The following CWF19L2 variants were observed in gnomAD, a reference collection of about 807,000 sequenced individuals.
CWF19L2 encodes the protein CWF19-like protein 2.
CWF19L2 carries 98 observed loss-of-function variants against 111.7 expected under a neutral mutation model. The observed-to-expected ratio is 0.88, with a 90% CI of 0.75 to 1.04. The LOEUF (loss-of-function observed/expected upper bound fraction) is 1.04. Among genes scored for constraint, CWF19L2 ranks in the 50% least tolerant of loss-of-function variants. The probability of loss-of-function intolerance (pLI) is 0.00; values close to 1 mark genes in which losing one functional copy is unlikely to be tolerated. For synonymous variants in CWF19L2, 351 were observed against 342.9 expected (o/e 1.02, Z -0.26); for missense variants, 1,101 against 1,051.4 (o/e 1.05, Z -0.65).
intron 2 of CWF19L2, 122 bp downstream of exon 2, chr11:107,455,544 C>T (rs1160996038): frequency 1.7e-6 from 1 of 574,394 alleles, no homozygotes; most frequent in East Asian, 3.1e-5. Flanking sequence ...GCAATGCCAA[C>T]TATGTGATAT....
intron 12 of CWF19L2, among the ~76,000 whole-genome samples, chr11:107,360,182 G>A (rs1011887922): frequency 6.6e-6 from 1 of 151,868 alleles, no homozygotes; most frequent in Non-Finnish European, 1.5e-5. Flanking sequence ...ACATTATTTA[G>A]CTCCCACTTA....
intron 8 of CWF19L2, 151 bp downstream of exon 8, chr11:107,428,648 C>A: frequency 1.6e-6 from 1 of 622,972 alleles, no homozygotes; most frequent in Non-Finnish European, 2.7e-6. Context: ...TACCACAATA[C>A]TGCCTGTTAA....
chr11:107,385,157 A>G (rs1225308349), intron 12 of CWF19L2, among the ~76,000 whole-genome samples: 1 of 152,172 alleles, frequency 6.6e-6, no homozygotes, highest in East Asian at 1.9e-4. Flanking sequence ...TTAAACATAC[A>G]AAACAAATTG....
Position 107,402,873 on chromosome 11 carries a change from GTA to G in CWF19L2, c.1618-9980_1618-9979del, listed in dbSNP as rs145828149. Among the ~76,000 whole-genome samples the G allele has an allele frequency of 4.8e-4, 45 of 94,458 alleles. 5 individuals are homozygous for G. The highest frequency in any genetic ancestry group is 1.4e-3 in the African/African-American group (29 of 20,728). 62.0% of individuals were successfully genotyped at this position (94,458 alleles called of 152,430 possible). A position where few individuals can be genotyped will look rare whatever the true frequency, so the allele number is the denominator to read the frequency against. ...CGAGTGGATAAACAAACTGTGGTGT[GTA>G]TATATATATATATATATATATATAT... On this transcript the variant is annotated intron_variant, in intron 10 of 17. Transcript: ENST00000282251.
At position 107,390,230 on chromosome 11, in the gene CWF19L2, T is replaced by C. The variant is rs1432000093; in HGVS notation, c.1735-19A>G. 3 of 1,559,580 alleles carry C rather than the reference T, an allele frequency of 1.9e-6. No individual in the cohort carries two copies. Among genetic ancestry groups the C allele is most frequent in the Middle Eastern group, 1.8e-4 (1 of 5,690 alleles). ...TTGAAACCTATGACAAAATGAACAT[T>C]ATTAATTTAATGAAAACATGAGTCT... is the stretch of plus-strand genomic sequence containing the variant. On this transcript the variant is annotated intron_variant, in intron 11 of 17. Transcript: ENST00000282251.
intron 12 of CWF19L2, 117 bp downstream of exon 12, chr11:107,389,948 CAAAGGATTT>C: frequency 1.3e-6 from 1 of 792,518 alleles, no homozygotes; most frequent in East Asian, 2.9e-5. Context: ...ATAAGTCTTA[CAAAGGATTT>C]AATTTAATAA....
chr11:107,442,696 A>AAGAGAGAAAGAGAGAGAG lies in CWF19L2; in HGVS notation c.450+225_450+242dup, dbSNP rs1383955239. On this transcript the variant is annotated intron_variant, in intron 4 of 17. Coordinates refer to ENST00000282251, the MANE Select transcript of CWF19L2 (RefSeq NM_152434.3). ...GAGACCCTGTCTCTAAAATGAATGA[A>AAGAGAGAAAGAGAGAGAG]AGAGAGAAAGAGAGAGAGAGAGAGA... Among the ~76,000 whole-genome samples, 3 of 133,578 alleles carry AAGAGAGAAAGAGAGAGAG rather than the reference A, an allele frequency of 2.2e-5. No individual in the cohort carries two copies. In the South Asian group the frequency reaches 6.9e-4, roughly 31 times the overall value. The allele number at this position is 133,578 out of a possible 152,430, so 87.6% of individuals were successfully genotyped here.
chr11:107,414,183 T>C (rs1302870507), intron 10 of CWF19L2, among the ~76,000 whole-genome samples: 1 of 151,804 alleles, frequency 6.6e-6, no homozygotes, highest in Non-Finnish European at 1.5e-5. Context: ...GTTTTTAGTG[T>C]TTTTATTTAT....
rs1859901027 is a variant in CWF19L2 at position 107,334,952 on chromosome 11, T to C, written c.2368A>G (p.Met790Val). Residue 790 changes from methionine to valine, a missense_variant, in exon 16 of 18, where the codon ATG (methionine) becomes GTG (valine). Physicochemically the swap from Met to Val is conservative, Grantham distance 21 (BLOSUM62 1). Transcript: ENST00000282251. ...MAPIYFKKAI[M>V]ESDEEWSMNK... ...ATGGACCACTCTTCATCAGATTCCATTATGGCTTTCTAAGAAATATCCATT... is the reference window on the plus strand; with the variant it reads ...ATGGACCACTCTTCATCAGATTCCACTATGGCTTTCTAAGAAATATCCATT... 6.3e-7 allele frequency: 1 copy of C among 1,597,070 alleles called. No homozygotes were observed. The highest frequency in any genetic ancestry group is 1.7e-5 in the Admixed American group (1 of 59,802).
intron 17 of CWF19L2, among the ~76,000 whole-genome samples, chr11:107,329,436 C>A (rs116208686): frequency 6.6e-6 from 1 of 152,126 alleles, no homozygotes; most frequent in African/African-American, 2.4e-5. Flanking sequence ...CTAGTTCAAC[C>A]ATGACTATAT....
At chr11:107,457,516 G>A (rs1446502567) in intron 1 of CWF19L2, among the ~76,000 whole-genome samples, 196 bp downstream of exon 1, 1 of 152,142 alleles carries the variant, frequency 6.6e-6, no homozygotes, top group African/African-American at 2.4e-5. Context: ...AAGAGAATTA[G>A]CAACTGGCAC....
At chr11:107,453,145 T>G (rs540543919) in intron 3 of CWF19L2, among the ~76,000 whole-genome samples, 1 of 152,176 alleles carries the variant, frequency 6.6e-6, no homozygotes, top group Non-Finnish European at 1.5e-5. Context: ...GAATGCCCTA[T>G]GGGGACTTAA....
intron 12 of CWF19L2, among the ~76,000 whole-genome samples, chr11:107,362,482 C>G (rs537140445): frequency 3.3e-5 from 5 of 152,146 alleles, no homozygotes; most frequent in African/African-American, 1.2e-4. Flanking sequence ...GATCTGAATA[C>G]GGGCAGACTG....
chr11:107,457,586 G>A lies in CWF19L2; in HGVS notation c.105+126C>T, dbSNP rs375537255. The A allele has an allele frequency of 1.1e-4, 75 of 667,574 alleles. 1 individual carries two copies. The South Asian group carries it at 1.5e-3, about 13-fold the overall frequency. The allele number at this position is 667,574 out of a possible 1,614,324, so 41.4% of individuals were successfully genotyped here. On this transcript the variant is annotated intron_variant, in intron 1 of 17. Coordinates refer to ENST00000282251, the MANE Select transcript of CWF19L2 (RefSeq NM_152434.3). ...AGGGTTTACCGGCATTGCAAAGGGA[G>A]AACTCACCCAAATTAAGGTGAGATT...
intron 13 of CWF19L2, among the ~76,000 whole-genome samples, chr11:107,352,131 C>A (rs961935127): frequency 1.3e-5 from 2 of 152,100 alleles, no homozygotes; most frequent in Admixed American, 1.3e-4. Flanking sequence ...TGGTTGTAAA[C>A]CTCAGTGTCT....
chr11:107,421,161 A>G (rs1181874163), intron 8 of CWF19L2, among the ~76,000 whole-genome samples: 1 of 152,126 alleles, frequency 6.6e-6, no homozygotes, highest in African/African-American at 2.4e-5. Flanking sequence ...CCTCAACTAT[A>G]ATACTTGGAA....
chr11:107,449,328 T>TGTTAATGAAAGTTCTACAGACAAAAG (rs1371962383), intron 3 of CWF19L2, among the ~76,000 whole-genome samples: 1 of 152,042 alleles, frequency 6.6e-6, no homozygotes, highest in Non-Finnish European at 1.5e-5. Context: ...TTATAATACA[T>TGTTAATGAAAGTTCTACAGACAAAAG]GTTAATGAAA....
At position 107,454,515 on chromosome 11, in the gene CWF19L2, C is replaced by A. The variant is rs1565292372; in HGVS notation, c.274G>T (p.Glu92Ter). ...TGTTTCTTGCTCTTTTTTTTCTTTTCTTTCTTTGCTTTTTTTGAATGCTTG... is the reference window on the plus strand; with the variant it reads ...TGTTTCTTGCTCTTTTTTTTCTTTTATTTCTTTGCTTTTTTTGAATGCTTG... ...KDKHSKKAKK[E>*]KKKKSKKQKY... The change falls in exon 3 of 18, where the codon GAA (glutamate) becomes TAA (stop). Residue 92 changes from glutamate to a stop codon, truncating the protein, a stop_gained. Transcript: ENST00000282251. LOFTEE classifies it high-confidence loss of function. 1 of 1,454,358 alleles carries A rather than the reference C, an allele frequency of 6.9e-7. No individual in the cohort carries two copies. Among genetic ancestry groups the A allele is most frequent in the Non-Finnish European group, 9.0e-7 (1 of 1,106,820 alleles). The allele number at this position is 1,454,358 out of a possible 1,614,324, so 90.1% of individuals were successfully genotyped here.
At chr11:107,361,835 C>T (rs1050706872) in intron 12 of CWF19L2, among the ~76,000 whole-genome samples, 2 of 152,244 alleles carry the variant, frequency 1.3e-5, no homozygotes, top group East Asian at 1.9e-4. Flanking sequence ...GATGGCCGAA[C>T]AGGAAGAGCT....
Sources: allele counts gnomAD v4.1 joint callset (sites outside exome capture counted in the v4.1 genomes callset), GRCh38; gene constraint gnomAD v4.1.1; transcripts MANE v1.5; gene names NCBI Gene and HGNC (gene_info 2026-07-23, HGNC 2026-07-21).